COL19A1: variants seen among roughly 807,000 people sequenced by gnomAD.
The protein encoded by COL19A1 is collagen type XIX alpha 1 chain.
COL19A1 carries 159 observed loss-of-function variants against 190.2 expected under a neutral mutation model. That is an observed-to-expected ratio of 0.84 (90% CI 0.73 to 0.95). The LOEUF (loss-of-function observed/expected upper bound fraction) is 0.95. Ranked by LOEUF, COL19A1 falls within the 40% of genes least tolerant of loss-of-function variation. The pLI is 0.00. For synonymous variants in COL19A1, 509 were observed against 458.9 expected (o/e 1.11, Z -1.39); for missense variants, 1,418 against 1,431.9 (o/e 0.99, Z 0.16).
chr6:69,942,371 T>C (rs1773528143), intron 9 of COL19A1, among the ~76,000 whole-genome samples: 1 of 152,180 alleles, frequency 6.6e-6, no homozygotes, highest in Non-Finnish European at 1.5e-5. Context: ...TTTCTTTGTA[T>C]TGGGAACATT....
chr6:70,074,568 C>A (rs972007060), intron 15 of COL19A1, among the ~76,000 whole-genome samples: 1 of 150,816 alleles, frequency 6.6e-6, no homozygotes, highest in African/African-American at 2.4e-5. Flanking sequence ...TTCCAAGTTA[C>A]CAACTTCACA....
intron 11 of COL19A1, among the ~76,000 whole-genome samples, chr6:70,008,110 T>C (rs568363127): frequency 2.6e-5 from 4 of 151,614 alleles, no homozygotes; most frequent in Non-Finnish European, 5.9e-5. Context: ...AATCTAAGTA[T>C]CCACCTCCAA....
rs2296012 is a variant in COL19A1 at position 70,151,330 on chromosome 6, T to C, written c.2038-67T>C. On this transcript the variant is annotated intron_variant, in intron 30 of 50. Coordinates refer to ENST00000620364, the MANE Select transcript of COL19A1 (RefSeq NM_001858.6). Reference sequence around the variant, plus strand: ...TTGAGGAAAAATGTCTACATTATACTGTATGTTTATATTGTATTGTGTTCA... The same window carrying C: ...TTGAGGAAAAATGTCTACATTATACCGTATGTTTATATTGTATTGTGTTCA... 2.3e-4 allele frequency: 344 copies of C among 1,474,606 alleles called. 3 individuals carry two copies. The East Asian group carries it at 7.1e-3, about 30-fold the overall frequency. The allele number at this position is 1,474,606 out of a possible 1,614,324, so 91.3% of individuals were successfully genotyped here. A position where few individuals can be genotyped will look rare whatever the true frequency, so the allele number is the denominator to read the frequency against.
intron 4 of COL19A1, among the ~76,000 whole-genome samples, chr6:69,921,576 A>G (rs913001025): frequency 2.4e-4 from 35 of 144,208 alleles, no homozygotes; most frequent in African/African-American, 9.0e-4. Flanking sequence ...ATATATTCAT[A>G]TATATTCGCA....
intron 16 of COL19A1, among the ~76,000 whole-genome samples, chr6:70,119,252 A>G (rs984975590): frequency 2.0e-5 from 3 of 152,204 alleles, no homozygotes; most frequent in Admixed American, 2.0e-4. Flanking sequence ...GTTTTGTAAT[A>G]TTCAGGGATA....
In COL19A1 at chr6:69,929,578, G is replaced by A; in HGVS notation, c.544G>A (p.Val182Ile). 3 of 1,613,972 alleles carry A rather than the reference G, an allele frequency of 1.9e-6. No individual in the cohort carries two copies. The highest frequency in any genetic ancestry group is 2.5e-6 in the Non-Finnish European group (3 of 1,179,966). Residue 182 changes from valine (V) to isoleucine (I), a missense_variant, in exon 6 of 51, where the codon GTC becomes ATC. Val to Ile is a conservative substitution (Grantham distance 29, BLOSUM62 3). Transcript: ENST00000620364. ...HKLGISIQSQ[V>I]ISLYMDCNLI... ...ACTTGGCATTAGTATACAATCCCAG[G>A]TCATTTCACTTTATATGGATTGTAA...
intron 11 of COL19A1, among the ~76,000 whole-genome samples, chr6:69,997,553 G>A (rs983631328): frequency 1.3e-5 from 2 of 152,076 alleles, no homozygotes; most frequent in African/African-American, 4.8e-5. Flanking sequence ...CATCATAAAG[G>A]AACCAAATGG....
intron 46 of COL19A1, among the ~76,000 whole-genome samples, chr6:70,187,463 A>G (rs6909913): frequency 0.016 from 851 of 54,654 alleles, 152 homozygotes; most frequent in Middle Eastern, 0.024. Flanking sequence ...TGAATGTCCT[A>G]AAGTTTTTTT....
chr6:69,990,179 A>G (rs1776540619), intron 11 of COL19A1, among the ~76,000 whole-genome samples: 1 of 152,120 alleles, frequency 6.6e-6, no homozygotes, highest in African/African-American at 2.4e-5. Context: ...ACACCTGTAT[A>G]TACTTCAGCT....
At chr6:70,057,899 A>C (rs1780598101) in intron 14 of COL19A1, among the ~76,000 whole-genome samples, 1 of 152,210 alleles carries the variant, frequency 6.6e-6, no homozygotes, top group East Asian at 1.9e-4. Flanking sequence ...TCATTCATCC[A>C]TTCGACACCT....
At chr6:70,185,811 T>C (rs932289584) in intron 46 of COL19A1, among the ~76,000 whole-genome samples, 7 of 152,168 alleles carry the variant, frequency 4.6e-5, no homozygotes, top group African/African-American at 1.7e-4. Context: ...TGTATACTGG[T>C]GTCTAGTTCG....
intron 11 of COL19A1, among the ~76,000 whole-genome samples, chr6:69,997,947 G>T (rs1777018141): frequency 6.6e-6 from 1 of 151,586 alleles, no homozygotes; most frequent in Non-Finnish European, 1.5e-5. Flanking sequence ...ACTGCTAAAA[G>T]CCAAAAAAAA....
intron 48 of COL19A1, among the ~76,000 whole-genome samples, chr6:70,193,279 C>G (rs539789099): frequency 6.6e-6 from 1 of 152,318 alleles, no homozygotes; most frequent in African/African-American, 2.4e-5. Context: ...TGTGGCTACT[C>G]TCATGAAGGG....
rs180911674 is a variant in COL19A1, at chr6:70,101,374, A to G, written c.1225-795A>G. The stretch of plus-strand genomic sequence containing the variant: ...GAAAATAATTTTATAATAAATAATG[A>G]AATGCTTTTTAAATGTTATTAGATT... On this transcript the variant is annotated intron_variant, in intron 15 of 50. Coordinates refer to ENST00000620364, the MANE Select transcript of COL19A1 (RefSeq NM_001858.6). Among the ~76,000 whole-genome samples, 5 of 152,280 alleles carry G rather than the reference A, an allele frequency of 3.3e-5. No individual in the cohort carries two copies. In the East Asian group the frequency reaches 7.7e-4, roughly 23 times the overall value.
intron 15 of COL19A1, among the ~76,000 whole-genome samples, chr6:70,071,721 C>T (rs2150153855): frequency 6.6e-6 from 1 of 151,742 alleles, no homozygotes; most frequent in Middle Eastern, 3.4e-3. Context: ...TTTCAGATCA[C>T]GATGAGGGAG....
At chr6:70,048,736 A>T (rs1421693757) in intron 14 of COL19A1, among the ~76,000 whole-genome samples, 1 of 152,126 alleles carries the variant, frequency 6.6e-6, no homozygotes, top group Non-Finnish European at 1.5e-5. Flanking sequence ...ATATAATTCT[A>T]ATCCTTTTTA....
chr6:69,896,945 T>C (rs1192056169), intron 2 of COL19A1, among the ~76,000 whole-genome samples: 2 of 152,238 alleles, frequency 1.3e-5, no homozygotes, highest in African/African-American at 4.8e-5. Flanking sequence ...GCTTGACTTT[T>C]TACTCTTTTA....
chr6:69,918,894 G>C (rs1403486007), intron 4 of COL19A1, among the ~76,000 whole-genome samples: 1 of 152,254 alleles, frequency 6.6e-6, no homozygotes, highest in South Asian at 2.1e-4. Context: ...TTCTGACGCA[G>C]CAATATAAAA....
In COL19A1 at chr6:69,921,187, CAT is replaced by C. The variant is rs540804280; in HGVS notation, c.267-6713_267-6712del. 4.3e-4 allele frequency among the ~76,000 whole-genome samples: 56 copies of C among 128,960 alleles called. 1 individual carries two copies. Among genetic ancestry groups the C allele is most frequent in the African/African-American group, 1.1e-3 (38 of 35,152 alleles). The allele number at this position is 128,960 out of a possible 152,430, so 84.6% of individuals were successfully genotyped here. ...TATTCATATACGTATCACATATATT[CAT>C]ATATATATCACATATATTCATATAT... On this transcript the variant is annotated intron_variant, in intron 4 of 50. Coordinates refer to ENST00000620364, the MANE Select transcript of COL19A1 (RefSeq NM_001858.6).
Sources: allele counts gnomAD v4.1 joint callset (sites outside exome capture counted in the v4.1 genomes callset), GRCh38; gene constraint gnomAD v4.1.1; transcripts MANE v1.5; gene names NCBI Gene and HGNC (gene_info 2026-07-23, HGNC 2026-07-21).